NEK11: variants seen among roughly 807,000 people sequenced by gnomAD.
NEK11 encodes NIMA related kinase 11.
A neutral mutation model predicts 80.7 loss-of-function variants in NEK11; 72 were observed. That is an observed-to-expected ratio of 0.89 (90% CI 0.74 to 1.08). NEK11 has a LOEUF of 1.08. NEK11 is among the 50% of genes least tolerant of loss of function. The probability of loss-of-function intolerance (pLI) is 0.00; values close to 1 mark genes in which losing one functional copy is unlikely to be tolerated. For missense variants in NEK11, 764 were observed against 763.6 expected, an observed-to-expected ratio of 1.00 and a Z score of -0.01; for synonymous variants, 251 against 260.7, an observed-to-expected ratio of 0.96 and a Z score of 0.36.
intron 5 of NEK11, among the ~76,000 whole-genome samples, chr3:131,129,676 T>C (rs1334467446): frequency 6.6e-6 from 1 of 152,244 alleles, no homozygotes; most frequent in African/African-American, 2.4e-5. Context: ...GAATGCCCAG[T>C]TGTTCCAGCA....
At chr3:131,045,137 A>G (rs574863341) in intron 3 of NEK11, among the ~76,000 whole-genome samples, 1 of 152,334 alleles carries the variant, frequency 6.6e-6, no homozygotes, top group South Asian at 2.1e-4. Context: ...AGGGAAATTT[A>G]TAGCACTAAA....
At chr3:131,333,670 G>A (rs1289044813) in intron 17 of NEK11, among the ~76,000 whole-genome samples, 1 of 152,068 alleles carries the variant, frequency 6.6e-6, no homozygotes, top group Non-Finnish European at 1.5e-5. Context: ...GACACAGACT[G>A]GCAAATTGGA....
chr3:131,054,748 C>CTAAA (rs538450777), intron 3 of NEK11, among the ~76,000 whole-genome samples: 21,609 of 132,260 alleles, frequency 0.16, 2,210 homozygotes, highest in Middle Eastern at 0.25. Flanking sequence ...CAGCCTGCCT[C>CTAAA]TAAATAAATA....
chr3:131,147,488 T>C (rs1462432959), intron 7 of NEK11, among the ~76,000 whole-genome samples: 1 of 152,106 alleles, frequency 6.6e-6, no homozygotes, highest in Non-Finnish European at 1.5e-5. Flanking sequence ...ATAAGCTATA[T>C]AACTTTATAA....
At chr3:131,152,813 C>A in intron 9 of NEK11, 104 bp downstream of exon 9, 1 of 861,212 alleles carries the variant, frequency 1.2e-6, no homozygotes, top group Non-Finnish European at 1.8e-6. Flanking sequence ...AAGAATCAAC[C>A]AGAAAGGAGG....
intron 17 of NEK11, among the ~76,000 whole-genome samples, chr3:131,285,123 C>A (rs2096455007): frequency 6.6e-6 from 1 of 152,204 alleles, no homozygotes; most frequent in African/African-American, 2.4e-5. Context: ...AGGACATAAG[C>A]AACTTCAAAC....
At chr3:131,033,677 T>C (rs1030261325) in intron 3 of NEK11, among the ~76,000 whole-genome samples, 2 of 152,230 alleles carry the variant, frequency 1.3e-5, no homozygotes, top group African/African-American at 4.8e-5. Flanking sequence ...GGGGCATCAC[T>C]TTACCATTGA....
rs752702039 is a variant in NEK11 at position 131,326,829 on chromosome 3, A to G, written c.1719-22728A>G. 8.6e-4 allele frequency among the ~76,000 whole-genome samples: 131 copies of G among 152,278 alleles called. 1 individual carries two copies. The highest frequency in any genetic ancestry group is 5.1e-4 in the Non-Finnish European group (35 of 68,020). ...TGACCCCTTCAAAATTCATATGGAA[A>G]CTTAATCTTCATTGAGGTAGTATTA... On this transcript the variant is annotated intron_variant, in intron 17 of 17. Transcript: ENST00000383366.
At chr3:131,336,395 T>C (rs1054200561) in intron 17 of NEK11, among the ~76,000 whole-genome samples, 1 of 152,216 alleles carries the variant, frequency 6.6e-6, no homozygotes, top group Non-Finnish European at 1.5e-5. Flanking sequence ...TAAATGGTGC[T>C]GGGAAAACTG....
chr3:131,047,887 G>C lies in NEK11; in HGVS notation c.170+18009G>C, dbSNP rs111643013. Among the ~76,000 whole-genome samples, 676 of 152,312 alleles carry C rather than the reference G, an allele frequency of 4.4e-3. 15 individuals are homozygous for C. The South Asian group carries it at 0.058, about 13-fold the overall frequency. On this transcript the variant is annotated intron_variant, in intron 3 of 17. Coordinates refer to ENST00000383366, the MANE Select transcript of NEK11 (RefSeq NM_024800.5). ...TCAGCTACCAGAGCAGGTAGAGAAA[G>C]ACCATTAGGTTGGGGCAAGGTTAGG... is the stretch of plus-strand genomic sequence containing the variant.
At chr3:131,200,498 G>GCCCA (rs1166569718) in intron 14 of NEK11, among the ~76,000 whole-genome samples, 8 of 152,132 alleles carry the variant, frequency 5.3e-5, no homozygotes, top group African/African-American at 1.9e-4. Flanking sequence ...TTAGAAACAT[G>GCCCA]TATGCTTATG....
At chr3:131,290,349 T>C (rs991427090) in intron 17 of NEK11, among the ~76,000 whole-genome samples, 3 of 152,206 alleles carry the variant, frequency 2.0e-5, no homozygotes, top group African/African-American at 7.2e-5. Flanking sequence ...CAGGAGTGCC[T>C]CTGCTGTTGT....
At chr3:131,060,987 G>A (rs1163514024) in intron 3 of NEK11, among the ~76,000 whole-genome samples, 1 of 152,020 alleles carries the variant, frequency 6.6e-6, no homozygotes, top group Non-Finnish European at 1.5e-5. Context: ...TATATTCCCA[G>A]TCCCCCATCC....
At chr3:131,292,458 T>C (rs900536693) in intron 17 of NEK11, among the ~76,000 whole-genome samples, 1 of 152,170 alleles carries the variant, frequency 6.6e-6, no homozygotes, top group African/African-American at 2.4e-5. Context: ...AGTAACTTGC[T>C]GGGATTTTTA....
intron 5 of NEK11, among the ~76,000 whole-genome samples, chr3:131,115,986 C>A (rs1578500114): frequency 1.2e-5 from 1 of 80,938 alleles, no homozygotes; most frequent in South Asian, 3.9e-4. Flanking sequence ...TTCTTTCTTT[C>A]TTTATTATAC....
At chr3:131,218,904 A>C (rs2094929297) in intron 14 of NEK11, among the ~76,000 whole-genome samples, 1 of 152,114 alleles carries the variant, frequency 6.6e-6, no homozygotes, top group Non-Finnish European at 1.5e-5. Context: ...GGGTTGCTGG[A>C]GAGGATGTGG....
At chr3:131,102,188 G>T (rs1054187421) in intron 4 of NEK11, among the ~76,000 whole-genome samples, 2 of 152,044 alleles carry the variant, frequency 1.3e-5, no homozygotes, top group South Asian at 2.1e-4. Context: ...TACATTCAGG[G>T]TTATTATTAA....
intron 3 of NEK11, among the ~76,000 whole-genome samples, chr3:131,046,863 C>T (rs2109875098): frequency 6.6e-6 from 1 of 152,294 alleles, no homozygotes; most frequent in Non-Finnish European, 1.5e-5. Context: ...GGTAAGTTTT[C>T]CTTGATTATT....
At chr3:131,251,657 A>G (rs113132726) in intron 16 of NEK11, among the ~76,000 whole-genome samples, 3,328 of 152,108 alleles carry the variant, frequency 0.022, 107 homozygotes, top group African/African-American at 0.074. Context: ...GGGATGATTT[A>G]TAGGACATTT....
Sources: allele counts gnomAD v4.1 joint callset (sites outside exome capture counted in the v4.1 genomes callset), GRCh38; gene constraint gnomAD v4.1.1; transcripts MANE v1.5; gene names NCBI Gene and HGNC (gene_info 2026-07-23, HGNC 2026-07-21).